ADNP2: variants seen among roughly 807,000 people sequenced by gnomAD.
ADNP2 encodes ADNP homeobox 2.
A neutral mutation model predicts 16.4 loss-of-function variants in ADNP2; 8 were observed. That is an observed-to-expected ratio of 0.49 (90% confidence interval 0.29 to 0.88). The LOEUF is 0.88. ADNP2 is among the 40% of genes least tolerant of loss of function. The pLI is 0.09. For missense variants in ADNP2, 1,397 were observed against 1,395.1 expected (o/e 1.00, Z -0.02); for synonymous variants, 637 against 545.8 (o/e 1.17, Z -2.33).
rs2052535755 is a variant in ADNP2 at position 80,136,468 on chromosome 18, C to T, written c.1055C>T (p.Pro352Leu). The T allele has an allele frequency of 6.2e-7, 1 of 1,614,148 alleles. No homozygotes were observed. Among genetic ancestry groups the T allele is most frequent in the Non-Finnish European group, 8.5e-7 (1 of 1,180,026 alleles). ...QNSLTLQPPAPQPVFLSHGVP... is the reference protein window; with the variant it reads ...QNSLTLQPPALQPVFLSHGVP... Reference sequence around the variant, plus strand: ...AGCCTCACCCTGCAGCCCCCAGCACCTCAGCCCGTCTTTCTTTCTCACGGG... The same window carrying T: ...AGCCTCACCCTGCAGCCCCCAGCACTTCAGCCCGTCTTTCTTTCTCACGGG... Residue 352 changes from proline (P) to leucine (L), a missense_variant, in exon 4 of 4, where the codon CCT becomes CTT. Around this residue, in one of 3 missense-constraint regions of ADNP2, gnomAD observed 777 missense variants for 719.4 expected, o/e 1.08. Coordinates refer to ENST00000262198, the MANE Select transcript of ADNP2 (RefSeq NM_014913.4).
intron 1 of ADNP2, among the ~76,000 whole-genome samples, chr18:80,116,630 T>C (rs974722264): frequency 6.6e-6 from 1 of 152,156 alleles, no homozygotes; most frequent in Non-Finnish European, 1.5e-5. Flanking sequence ...CTAATGATGT[T>C]GAGCATTTTT....
chr18:80,136,225 C>T lies in ADNP2; in HGVS notation c.812C>T (p.Ala271Val), dbSNP rs2052532519. Reference sequence around the variant, plus strand: ...CAAACGCACATTGCTCCAAAACCAGCAGCACATTTGGCTGCACCAGCAAAT... The same window carrying T: ...CAAACGCACATTGCTCCAAAACCAGTAGCACATTTGGCTGCACCAGCAAAT... The part of the protein sequence containing the change: ...LKQTHIAPKP[A>V]AHLAAPANGS... Residue 271 changes from alanine (A) to valine (V), a missense_variant, in exon 4 of 4, where the codon GCA (alanine) becomes GTA (valine). Physicochemically the swap from Ala to Val is moderately conservative, Grantham distance 64. Transcript: ENST00000262198. 3 of 1,614,256 alleles carry T rather than the reference C, an allele frequency of 1.9e-6. No homozygotes were observed. Among genetic ancestry groups the T allele is most frequent in the Middle Eastern group, 1.6e-4 (1 of 6,062 alleles).
At position 80,135,941 on chromosome 18, in the gene ADNP2, A is replaced by C. The variant is rs145262203; in HGVS notation, c.528A>C (p.Val176=). 1 of 1,614,260 alleles carries C rather than the reference A, an allele frequency of 6.2e-7. No homozygotes were observed. The highest frequency in any genetic ancestry group is 8.5e-7 in the Non-Finnish European group (1 of 1,180,056). Residue 176 remains valine, a synonymous_variant, in exon 4 of 4, where the codon GTA becomes GTC. Transcript: ENST00000262198. The part of the protein sequence containing the change: ...LYYSMKKHVL[V]AHFHYLINSY... ...ACAGCATGAAGAAGCATGTGCTGGT[A>C]GCCCATTTTCACTACTTAATTAACT...
At chr18:80,116,479 T>C (rs1182686741) in intron 1 of ADNP2, among the ~76,000 whole-genome samples, 2 of 152,104 alleles carry the variant, frequency 1.3e-5, no homozygotes, top group African/African-American at 4.8e-5. Context: ...CTGGCTGCAC[T>C]GGTATACATT....
rs2052569776 is a variant in ADNP2 at position 80,139,895 on chromosome 18, G to A, written c.*1086G>A. ...AACGGGCTTTTCTCTAGCTGGTTTA[G>A]GCTGGAAGCTGTGTCCGGGTCGATG... On this transcript the variant is annotated 3_prime_UTR_variant, in exon 4 of 4. Transcript: ENST00000262198. 1 of 152,176 alleles carries A rather than the reference G, an allele frequency of 6.6e-6. No homozygotes were observed. The highest frequency in any genetic ancestry group is 6.5e-5 in the Admixed American group (1 of 15,288). 9.4% of individuals were successfully genotyped at this position (152,176 alleles called of 1,614,324 possible). A position where few individuals can be genotyped will look rare whatever the true frequency, so the allele number is the denominator to read the frequency against.
chr18:80,138,270 C>T lies in ADNP2; in HGVS notation c.2857C>T (p.Pro953Ser). 1.2e-6 allele frequency: 2 copies of T among 1,614,134 alleles called. No homozygotes were observed. Among genetic ancestry groups the T allele is most frequent in the Non-Finnish European group, 1.7e-6 (2 of 1,180,042 alleles). The part of the protein sequence containing the change: ...KDSSSDLQAQ[P>S]GFIHNSELLL... ...CAGCAGCTCAGACCTGCAGGCCCAG[C>T]CGGGTTTTATTCACAACAGTGAACT... is the stretch of plus-strand genomic sequence containing the variant. The change falls in exon 4 of 4, where the codon CCG becomes TCG. Residue 953 changes from proline to serine, a missense_variant. This residue lies in a region of ADNP2 where 611 missense variants were observed against 648.7 expected (regional missense o/e 0.94). Coordinates refer to ENST00000262198, the MANE Select transcript of ADNP2 (RefSeq NM_014913.4).
chr18:80,130,788 G>C (rs371296317), intron 2 of ADNP2, among the ~76,000 whole-genome samples: 5 of 137,858 alleles, frequency 3.6e-5, no homozygotes, highest in African/African-American at 1.4e-4. Flanking sequence ...AGCTCTCTGC[G>C]TTATACTCCT....
intron 2 of ADNP2, among the ~76,000 whole-genome samples, chr18:80,119,910 T>A (rs1219003892): frequency 6.6e-6 from 1 of 151,810 alleles, no homozygotes; most frequent in Non-Finnish European, 1.5e-5. Flanking sequence ...TTCAACCACC[T>A]CCCCCCCAAC....
In ADNP2 at chr18:80,136,909, C is replaced by G. The variant is rs1192865070; in HGVS notation, c.1496C>G (p.Pro499Arg). The G allele has an allele frequency of 6.2e-7, 1 of 1,613,848 alleles. No homozygotes were observed. Among genetic ancestry groups the G allele is most frequent in the Non-Finnish European group, 8.5e-7 (1 of 1,179,976 alleles). ...VGQTAPSRVL[P>R]PGQTAPLRVI... ...CAGACAGCTCCGTCACGGGTTCTTC[C>G]CCCAGGCCAGACAGCCCCATTGAGG... is the stretch of plus-strand genomic sequence containing the variant. The change falls in exon 4 of 4, where the codon CCC (proline) becomes CGC (arginine). Residue 499 changes from proline (P) to arginine (R), a missense_variant. Pro to Arg is a moderately radical substitution (Grantham distance 103). Transcript: ENST00000262198.
At chr18:80,129,641 C>T (rs1292532836) in intron 2 of ADNP2, among the ~76,000 whole-genome samples, 3 of 152,172 alleles carry the variant, frequency 2.0e-5, no homozygotes, top group African/African-American at 7.2e-5. Context: ...CCAGTTGATT[C>T]AAGTTAAACA....
rs540591555 is a variant in ADNP2 at position 80,118,602 on chromosome 18, T to C, written c.108+952T>C. Among the ~76,000 whole-genome samples the C allele has an allele frequency of 1.2e-4, 18 of 152,314 alleles. 1 individual carries two copies. The highest frequency in any genetic ancestry group is 6.8e-3 in the Middle Eastern group (2 of 294). ...CTCCTTTTGAGGTCAATTCAATCTT[T>C]TAAGGTGGAATTCTGTTAGGAAATT... On this transcript the variant is annotated intron_variant, in intron 2 of 3. Coordinates refer to ENST00000262198, the MANE Select transcript of ADNP2 (RefSeq NM_014913.4).
chr18:80,127,961 G>A (rs768781499), intron 2 of ADNP2, among the ~76,000 whole-genome samples: 4 of 152,222 alleles, frequency 2.6e-5, no homozygotes, highest in African/African-American at 4.8e-5. Context: ...CTCAGAAAAA[G>A]TCTTCAGGAG....
chr18:80,117,139 T>C (rs2052394362), intron 1 of ADNP2, among the ~76,000 whole-genome samples: 1 of 152,248 alleles, frequency 6.6e-6, no homozygotes, highest in African/African-American at 2.4e-5. Flanking sequence ...GGTTTTTTGC[T>C]TTTTTGATGG....
intron 2 of ADNP2, among the ~76,000 whole-genome samples, chr18:80,121,142 CT>C (rs1407272916): frequency 6.6e-6 from 1 of 152,154 alleles, no homozygotes; most frequent in South Asian, 2.1e-4. Context: ...CCAACACTTA[CT>C]TTTTTCTCCT....
intron 2 of ADNP2, among the ~76,000 whole-genome samples, chr18:80,118,551 G>GT (rs1234948458): frequency 6.6e-6 from 1 of 152,144 alleles, no homozygotes; most frequent in Non-Finnish European, 1.5e-5. Context: ...GATCAGGTAT[G>GT]TATTTGGTTG....
rs2052537410 is a variant in ADNP2 at position 80,136,624 on chromosome 18, C to A, written c.1211C>A (p.Thr404Asn). The change falls in exon 4 of 4, where the codon ACC becomes AAC. Residue 404 changes from threonine to asparagine, a missense_variant. By Grantham distance (65) the Thr-to-Asn change is moderately conservative. Around this residue, in one of 3 missense-constraint regions of ADNP2, gnomAD observed 777 missense variants for 719.4 expected, o/e 1.08. Transcript: ENST00000262198. ...QTVRPGVLPLTQPVGPINRPV... is the reference protein window; with the variant it reads ...QTVRPGVLPLNQPVGPINRPV... Reference sequence around the variant, plus strand: ...GTTCGCCCTGGGGTTTTACCCCTCACCCAGCCTGTGGGACCCATAAACAGA... The same window carrying A: ...GTTCGCCCTGGGGTTTTACCCCTCAACCAGCCTGTGGGACCCATAAACAGA... 2 of 1,614,220 alleles carry A rather than the reference C, an allele frequency of 1.2e-6. No individual in the cohort carries two copies. Among genetic ancestry groups the A allele is most frequent in the Non-Finnish European group, 1.7e-6 (2 of 1,180,050 alleles).
chr18:80,121,580 T>C (rs1411784469), intron 2 of ADNP2, among the ~76,000 whole-genome samples: 1 of 152,242 alleles, frequency 6.6e-6, no homozygotes, highest in East Asian at 1.9e-4. Context: ...GTTGGTGTTT[T>C]TTATTTCATA....
chr18:80,135,022 G>C (rs973400942), intron 3 of ADNP2, among the ~76,000 whole-genome samples: 1 of 152,154 alleles, frequency 6.6e-6, no homozygotes, highest in Non-Finnish European at 1.5e-5. Flanking sequence ...GGAATTAAGA[G>C]AAATGGGATG....
At chr18:80,119,057 T>C (rs1177575030) in intron 2 of ADNP2, among the ~76,000 whole-genome samples, 2 of 152,210 alleles carry the variant, frequency 1.3e-5, no homozygotes, top group Non-Finnish European at 2.9e-5. Flanking sequence ...GAATTAACGT[T>C]GTTATATATC....
Sources: allele counts gnomAD v4.1 joint callset (sites outside exome capture counted in the v4.1 genomes callset), GRCh38; gene constraint gnomAD v4.1.1; regional missense constraint gnomAD v4.1.1; transcripts MANE v1.5; gene names NCBI Gene and HGNC (gene_info 2026-07-23, HGNC 2026-07-21).